The following MACROD2 variants were observed in gnomAD, a reference collection of about 807,000 sequenced individuals.
MACROD2 encodes ADP-ribose glycohydrolase MACROD2.
A neutral mutation model predicts 70.4 loss-of-function variants in MACROD2; 36 were observed. The observed-to-expected ratio is 0.51, with a 90% CI of 0.39 to 0.68. The LOEUF (loss-of-function observed/expected upper bound fraction) is 0.68. MACROD2 is among the 30% of genes least tolerant of loss of function. MACROD2 has a pLI of 0.00. For missense variants in MACROD2, 496 were observed against 538.4 expected (o/e 0.92, Z 0.78); for synonymous variants, 172 against 178.8 (o/e 0.96, Z 0.30).
intron 3 of MACROD2, among the ~76,000 whole-genome samples, chr20:14,492,226 T>C (rs1255385342): frequency 6.6e-6 from 1 of 152,036 alleles, no homozygotes. Context: ...CAGAAGTGAG[T>C]TTTGTTTATG....
chr20:15,547,720 A>T (rs1446570361), intron 8 of MACROD2, among the ~76,000 whole-genome samples: 35 of 152,104 alleles, frequency 2.3e-4, no homozygotes, highest in Non-Finnish European at 1.5e-5. Context: ...TTTTCAGAGG[A>T]TGATTTGTCT....
intron 5 of MACROD2, among the ~76,000 whole-genome samples, chr20:14,749,726 G>A (rs1159126650): frequency 2.6e-5 from 4 of 152,010 alleles, no homozygotes; most frequent in African/African-American, 9.7e-5. Context: ...GTAATAGAGT[G>A]TTTTATTTAC....
chr20:15,348,215 C>G (rs1004582224), intron 6 of MACROD2, among the ~76,000 whole-genome samples: 1 of 152,212 alleles, frequency 6.6e-6, no homozygotes, highest in Non-Finnish European at 1.5e-5. Flanking sequence ...CCAGGGCATA[C>G]TTACATCTCT....
At position 15,835,522 on chromosome 20, in the gene MACROD2, A is replaced by G. The variant is rs78031129; in HGVS notation, c.646-27223A>G. Among the ~76,000 whole-genome samples the G allele has an allele frequency of 6.7e-3, 1,022 of 152,246 alleles. 10 individuals are homozygous for G. Among genetic ancestry groups the G allele is most frequent in the African/African-American group, 0.023 (961 of 41,544 alleles). ...AACATAGCCAGATGATTGGTATGCA[A>G]TTAATGTAGTAAATTAGTAATAATA... On this transcript the variant is annotated intron_variant, in intron 8 of 17. Transcript: ENST00000684519.
At position 14,295,148 on chromosome 20, in the gene MACROD2, G is replaced by T. The variant is rs957577448; in HGVS notation, c.272-198331G>T. Among the ~76,000 whole-genome samples, 133 of 151,974 alleles carry T rather than the reference G, an allele frequency of 8.8e-4. 2 individuals are homozygous for T. The highest frequency in any genetic ancestry group is 2.9e-3 in the African/African-American group (121 of 41,304). ...TAAAAGATAAGAATTGGGTTTGTGT[G>T]TGCACGTGTGTGTTTTTACTATCAC... On this transcript the variant is annotated intron_variant, in intron 3 of 17. Transcript: ENST00000684519.
chr20:15,109,454 A>G (rs1211357355), intron 5 of MACROD2, among the ~76,000 whole-genome samples: 2 of 152,192 alleles, frequency 1.3e-5, no homozygotes, highest in Non-Finnish European at 2.9e-5. Context: ...GGTTGCTGAC[A>G]GTGCTTAATG....
chr20:14,417,245 T>C (rs927507650), intron 3 of MACROD2, among the ~76,000 whole-genome samples: 3 of 152,224 alleles, frequency 2.0e-5, no homozygotes, highest in African/African-American at 7.2e-5. Context: ...TTTGAGGAAA[T>C]GTACTATATT....
At chr20:15,476,935 G>C (rs572117086) in intron 7 of MACROD2, among the ~76,000 whole-genome samples, 26 of 152,062 alleles carry the variant, frequency 1.7e-4, no homozygotes, top group Non-Finnish European at 3.2e-4. Context: ...GAAAAATCTC[G>C]AATTACTCAT....
intron 5 of MACROD2, among the ~76,000 whole-genome samples, chr20:15,059,947 TAGTAA>T (rs1310320092): frequency 6.6e-6 from 1 of 152,124 alleles, no homozygotes; most frequent in East Asian, 1.9e-4. Flanking sequence ...ACACTAGAAA[TAGTAA>T]AGTATCTTCC....
intron 4 of MACROD2, among the ~76,000 whole-genome samples, chr20:14,662,383 C>T (rs1047946968): frequency 6.6e-6 from 1 of 151,852 alleles, no homozygotes; most frequent in East Asian, 1.9e-4. Flanking sequence ...ACTGTAAAAA[C>T]CCTGGAGGAA....
intron 5 of MACROD2, among the ~76,000 whole-genome samples, chr20:15,144,398 G>GA (rs1450042733): frequency 1.3e-5 from 2 of 152,138 alleles, no homozygotes; most frequent in Non-Finnish European, 2.9e-5. Context: ...AATAAGATGT[G>GA]AATGATTTTT....
chr20:14,515,008 TAGA>T (rs1180319911), intron 4 of MACROD2, among the ~76,000 whole-genome samples: 2 of 151,962 alleles, frequency 1.3e-5, no homozygotes, highest in Non-Finnish European at 2.9e-5. Context: ...TTAGAGCTAA[TAGA>T]GGAACTGGAA....
chr20:14,276,583 T>A (rs1471178059), intron 3 of MACROD2, among the ~76,000 whole-genome samples: 2 of 151,592 alleles, frequency 1.3e-5, no homozygotes, highest in Non-Finnish European at 2.9e-5. Context: ...CATATGTAAC[T>A]AACCTGCACA....
At chr20:14,828,509 C>A (rs1307327945) in intron 5 of MACROD2, among the ~76,000 whole-genome samples, 2 of 152,102 alleles carry the variant, frequency 1.3e-5, no homozygotes, top group Non-Finnish European at 2.9e-5. Flanking sequence ...AGGCACTCTG[C>A]AAGACCCAAG....
intron 3 of MACROD2, among the ~76,000 whole-genome samples, chr20:14,143,794 A>G (rs73255018): frequency 0.041 from 6,259 of 152,288 alleles, 175 homozygotes; most frequent in African/African-American, 0.08. Flanking sequence ...TTTTGCTGGA[A>G]AAGTTACCAA....
At chr20:15,605,480 G>GTT in intron 8 of MACROD2, among the ~76,000 whole-genome samples, 1 of 151,788 alleles carries the variant, frequency 6.6e-6, no homozygotes, top group South Asian at 2.1e-4. Flanking sequence ...GTGTGTGTGT[G>GTT]TGTGTGTGTA....
intron 3 of MACROD2, among the ~76,000 whole-genome samples, chr20:14,438,928 AT>A (rs35077412): frequency 0.16 from 23,600 of 152,086 alleles, 2,609 homozygotes; most frequent in Non-Finnish European, 0.22. Flanking sequence ...CCATTTATTT[AT>A]TTTTGATTTT....
chr20:14,551,660 G>A (rs1352649368), intron 4 of MACROD2, among the ~76,000 whole-genome samples: 1 of 152,046 alleles, frequency 6.6e-6, no homozygotes, highest in East Asian at 1.9e-4. Context: ...CTTTTGTGGT[G>A]GATTACTGTT....
intron 5 of MACROD2, among the ~76,000 whole-genome samples, chr20:14,779,048 T>G (rs35510435): frequency 0.022 from 3,278 of 152,202 alleles, 142 homozygotes; most frequent in African/African-American, 0.074. Context: ...TTAACAAACT[T>G]CATTGTAGCA....
Sources: gnomAD v4.1 joint callset for allele counts (sites outside exome capture counted in the v4.1 genomes callset) on GRCh38, gnomAD v4.1.1 for gene constraint, MANE v1.5 for transcripts, NCBI Gene and HGNC (gene_info 2026-07-23, HGNC 2026-07-21) for gene names.